Variants in MRTFB observed in about 807,000 individuals in gnomAD.
MRTFB encodes myocardin related transcription factor B.
A neutral mutation model predicts 104.2 loss-of-function variants in MRTFB; 29 were observed. That is an observed-to-expected ratio of 0.28 (90% CI 0.21 to 0.38). The LOEUF (loss-of-function observed/expected upper bound fraction) is 0.38. Ranked by LOEUF, MRTFB falls within the 10% of genes least tolerant of loss-of-function variation. The probability of loss-of-function intolerance (pLI) is 1.00; values close to 1 mark genes in which losing one functional copy is unlikely to be tolerated. For synonymous variants in MRTFB, 535 were observed against 519.5 expected, an observed-to-expected ratio of 1.03 and a Z score of -0.41; for missense variants, 1,270 against 1,341.6, an observed-to-expected ratio of 0.95 and a Z score of 0.83.
chr16:14,115,085 G>A (rs2036475215), intron 2 of MRTFB, among the ~76,000 whole-genome samples: 1 of 152,140 alleles, frequency 6.6e-6, no homozygotes, highest in African/African-American at 2.4e-5. Flanking sequence ...AAAGGTTTGG[G>A]TCTCCTCTAC....
the MRTFB span, among the ~76,000 whole-genome samples, chr16:14,060,322 A>G: frequency 6.6e-6 from 1 of 152,052 alleles, no homozygotes; most frequent in African/African-American, 2.4e-5. Context: ...ACATAATTTT[A>G]TGATATATAC....
chr16:14,254,244 CTAAG>C (rs978627750), intron 15 of MRTFB, among the ~76,000 whole-genome samples: 40 of 152,310 alleles, frequency 2.6e-4, no homozygotes, highest in African/African-American at 9.6e-4. Context: ...CCACGAGTGG[CTAAG>C]TAAGGCCCTA....
chr16:14,055,404 C>T, the MRTFB span, among the ~76,000 whole-genome samples: 1 of 152,204 alleles, frequency 6.6e-6, no homozygotes, highest in Non-Finnish European at 1.5e-5. Flanking sequence ...ACTAACTAAT[C>T]TATCGACTGT....
At chr16:14,184,561 T>A (rs1397307733) in intron 3 of MRTFB, among the ~76,000 whole-genome samples, 1 of 104,744 alleles carries the variant, frequency 9.5e-6, no homozygotes, top group Non-Finnish European at 2.2e-5. Flanking sequence ...AGGAAAATAA[T>A]GTTGAACTCA....
intron 2 of MRTFB, among the ~76,000 whole-genome samples, chr16:14,095,414 A>G (rs1596798524): frequency 6.6e-6 from 1 of 152,158 alleles, no homozygotes; most frequent in South Asian, 2.1e-4. Context: ...TTAACACTCT[A>G]CCTGCCTGTA....
chr16:14,250,054 A>G (rs1312909746), intron 13 of MRTFB, among the ~76,000 whole-genome samples: 1 of 152,252 alleles, frequency 6.6e-6, no homozygotes, highest in African/African-American at 2.4e-5. Context: ...ATGTTAAGAC[A>G]ATTTGTTTTA....
intron 2 of MRTFB, among the ~76,000 whole-genome samples, chr16:14,118,748 T>TAC (rs933526439): frequency 1.3e-5 from 2 of 151,758 alleles, no homozygotes; most frequent in Admixed American, 6.6e-5. Context: ...CACATATATA[T>TAC]ACACACACAC....
chr16:14,072,461 T>A (rs2033767483), intron 1 of MRTFB, among the ~76,000 whole-genome samples: 1 of 152,004 alleles, frequency 6.6e-6, no homozygotes, highest in Non-Finnish European at 1.5e-5. Flanking sequence ...TTAAAAAAAA[T>A]TAGGAGGAGC....
intron 3 of MRTFB, among the ~76,000 whole-genome samples, chr16:14,146,972 G>A (rs1405715045): frequency 6.6e-6 from 1 of 151,690 alleles, no homozygotes; most frequent in Non-Finnish European, 1.5e-5. Context: ...CAATAGCCAA[G>A]ACAGAGCTGT....
upstream of MRTFB, among the ~76,000 whole-genome samples, chr16:14,070,777 G>C (rs1371079245): frequency 6.6e-6 from 1 of 152,262 alleles, no homozygotes; most frequent in African/African-American, 2.4e-5. Context: ...CTGAGGTGCA[G>C]AAATGGGTTT....
chr16:14,182,837 TAATG>T lies in MRTFB; in HGVS notation c.155-27403_155-27400del, dbSNP rs538517454. ...GGGACAATTTGGGCATTAAAATAAA[TAATG>T]AAAGTCACAGATTATAAGCTATTGC... On this transcript the variant is annotated intron_variant, in intron 3 of 16. Transcript: ENST00000571589. Among the ~76,000 whole-genome samples the T allele has an allele frequency of 4.6e-5, 7 of 152,242 alleles. No homozygotes were observed. The East Asian group carries it at 1.2e-3, about 25-fold the overall frequency.
At chr16:14,162,278 G>A (rs564465329) in intron 3 of MRTFB, among the ~76,000 whole-genome samples, 45 of 152,172 alleles carry the variant, frequency 3.0e-4, no homozygotes, top group Non-Finnish European at 5.7e-4. Context: ...AGACTGCAGT[G>A]AGCCATCATC....
chr16:14,119,484 GTC>G (rs1596936115), intron 2 of MRTFB, among the ~76,000 whole-genome samples: 1 of 152,122 alleles, frequency 6.6e-6, no homozygotes, highest in Admixed American at 6.5e-5. Flanking sequence ...TTTTTGATCA[GTC>G]TCTCAAAATT....
At chr16:14,215,909 T>G (rs1035906087) in intron 6 of MRTFB, among the ~76,000 whole-genome samples, 3 of 152,264 alleles carry the variant, frequency 2.0e-5, no homozygotes, top group African/African-American at 7.2e-5. Flanking sequence ...TTCTTACAGT[T>G]GTTAATTGCC....
chr16:14,122,860 C>G (rs528345177), intron 2 of MRTFB, among the ~76,000 whole-genome samples: 1 of 152,332 alleles, frequency 6.6e-6, no homozygotes, highest in Non-Finnish European at 1.5e-5. Flanking sequence ...CTTGAGGAAT[C>G]ACCACACTGT....
chr16:14,009,766 C>T, the MRTFB span: 13 of 152,252 alleles, frequency 8.5e-5, no homozygotes, highest in East Asian at 1.9e-3. Context: ...GTTTTATCCA[C>T]GTGTCACTGT....
chr16:14,200,145 G>T (rs1415901703), intron 3 of MRTFB: 2 of 688,472 alleles, frequency 2.9e-6, no homozygotes, highest in Non-Finnish European at 4.7e-6. Flanking sequence ...TAATTTATAG[G>T]TATATCATCA....
At chr16:14,106,503 G>A (rs898946908) in intron 2 of MRTFB, among the ~76,000 whole-genome samples, 9 of 151,974 alleles carry the variant, frequency 5.9e-5, no homozygotes, top group African/African-American at 2.2e-4. Context: ...AATCAGCTAC[G>A]CCACTTGACT....
At chr16:14,014,563 A>G in the MRTFB span, among the ~76,000 whole-genome samples, 3,299 of 149,030 alleles carry the variant, frequency 0.022, 108 homozygotes, top group African/African-American at 0.077. Flanking sequence ...TCTCAAAAAG[A>G]AAAAAAAAAG....
Sources: allele counts gnomAD v4.1 joint callset (sites outside exome capture counted in the v4.1 genomes callset), GRCh38; gene constraint gnomAD v4.1.1; transcripts MANE v1.5; gene names NCBI Gene and HGNC (gene_info 2026-07-23, HGNC 2026-07-21).